Variants in ADSS1 observed in about 807,000 individuals in gnomAD.
ADSS1 encodes the protein adenylosuccinate synthase 1, also known as adenylosuccinate synthetase isozyme 1.
ADSS1 carries 57 observed loss-of-function variants against 59.1 expected under a neutral mutation model. That is an observed-to-expected ratio of 0.97 (90% CI 0.78 to 1.20). The LOEUF (loss-of-function observed/expected upper bound fraction) is 1.20, where lower values mean the gene tolerates loss of function less well. Among genes scored for constraint, ADSS1 ranks in the 50% most tolerant of loss-of-function variants. ADSS1 has a pLI of 0.00. For missense variants in ADSS1, 603 were observed against 610.3 expected, an observed-to-expected ratio of 0.99 and a Z score of 0.13; for synonymous variants, 247 against 249.4, an observed-to-expected ratio of 0.99 and a Z score of 0.09.
intron 1 of ADSS1, among the ~76,000 whole-genome samples, 188 bp from the exon 2 acceptor site, chr14:104,734,832 C>T (rs1566796988): frequency 1.3e-5 from 2 of 152,238 alleles, no homozygotes; most frequent in South Asian, 2.1e-4. Context: ...CTGCTGCCCT[C>T]CTTCCAAGGT....
rs1891369753 is a variant in ADSS1, at chr14:104,741,840, TCTTG to T, written c.794-6_794-3del. The T allele has an allele frequency of 6.2e-7, 1 of 1,613,074 alleles. No individual in the cohort carries two copies. Among genetic ancestry groups the T allele is most frequent in the Non-Finnish European group, 8.5e-7 (1 of 1,179,880 alleles). On this transcript the variant is annotated splice_polypyrimidine_tract_variant and splice_region_variant and intron_variant, in intron 8 of 12. Coordinates refer to ENST00000330877, the MANE Select transcript of ADSS1 (RefSeq NM_152328.5). ...CAGGTAGCCCCCTAAACCTGCTCTG[TCTTG>T]CAGGGACCTACCCCTTTGTGACTTC...
intron 1 of ADSS1, among the ~76,000 whole-genome samples, chr14:104,733,675 A>C (rs1004165330): frequency 2.0e-5 from 3 of 152,080 alleles, no homozygotes; most frequent in African/African-American, 7.2e-5. Flanking sequence ...ATGCGTAGAC[A>C]AGTTGAGGGC....
At chr14:104,731,717 G>A (rs1000836089) in intron 1 of ADSS1, among the ~76,000 whole-genome samples, 11 of 152,230 alleles carry the variant, frequency 7.2e-5, no homozygotes, top group African/African-American at 2.4e-4. Context: ...GGGCTGTCCC[G>A]TGGCACACAC....
chr14:104,731,230 C>T (rs11848612), intron 1 of ADSS1, among the ~76,000 whole-genome samples: 2 of 151,976 alleles, frequency 1.3e-5, no homozygotes, highest in South Asian at 2.1e-4. Flanking sequence ...GAGAGTTGGG[C>T]GCTTACCTTA....
chr14:104,737,994 G>A, intron 2 of ADSS1: 1 of 245,558 alleles, frequency 4.1e-6, no homozygotes, highest in Non-Finnish European at 8.1e-6. Context: ...GTTTTTTGTT[G>A]TTGTTTGTTT....
At chr14:104,724,947 G>T (rs1890677700) in intron 1 of ADSS1, among the ~76,000 whole-genome samples, 1 of 152,228 alleles carries the variant, frequency 6.6e-6, no homozygotes, top group South Asian at 2.1e-4. Context: ...GGGGGTAAAA[G>T]CTGCCTGCTG....
At chr14:104,729,844 G>C (rs1297378932) in intron 1 of ADSS1, 10 of 1,046,190 alleles carry the variant, frequency 9.6e-6, no homozygotes, top group Non-Finnish European at 1.2e-5. Flanking sequence ...CGTCGGCGTC[G>C]TGGGGAGGAG....
chr14:104,734,841 G>A (rs1285348391), intron 1 of ADSS1, among the ~76,000 whole-genome samples, 179 bp from the exon 2 acceptor site: 1 of 152,202 alleles, frequency 6.6e-6, no homozygotes, highest in Non-Finnish European at 1.5e-5. Flanking sequence ...TCCTTCCAAG[G>A]TGCAGGATGC....
chr14:104,730,119 G>A, intron 1 of ADSS1: 10 of 1,548,458 alleles, frequency 6.5e-6, no homozygotes, highest in Non-Finnish European at 8.7e-6. Flanking sequence ...GGAGAGGAGA[G>A]GGCTTGGAGG....
chr14:104,730,174 G>T, intron 1 of ADSS1: 1 of 1,535,128 alleles, frequency 6.5e-7, no homozygotes, highest in Non-Finnish European at 8.8e-7. Context: ...TGCCCAGGAG[G>T]ACTGCAGGAG....
In ADSS1 at chr14:104,744,878, G is replaced by C; in HGVS notation, c.1140G>C (p.Lys380Asn). 1 of 1,614,194 alleles carries C rather than the reference G, an allele frequency of 6.2e-7. No individual in the cohort carries two copies. The highest frequency in any genetic ancestry group is 8.5e-7 in the Non-Finnish European group (1 of 1,180,040). Residue 380 changes from lysine to asparagine, a missense_variant, in exon 11 of 13, where the codon AAG becomes AAC. Physicochemically the swap from Lys to Asn is moderately conservative, Grantham distance 94. Coordinates refer to ENST00000330877, the MANE Select transcript of ADSS1 (RefSeq NM_152328.5). Reference sequence around the variant, plus strand: ...AGGTTAAAGTCGGTGTCTCATACAAGCTGAACGGGAAAAGGATTCCCTATT... The same window carrying C: ...AGGTTAAAGTCGGTGTCTCATACAACCTGAACGGGAAAAGGATTCCCTATT... ...LGEVKVGVSY[K>N]LNGKRIPYFP... is the part of the protein sequence containing the mutation.
At chr14:104,741,361 C>T (rs1227105426) in intron 8 of ADSS1, 118 bp downstream of exon 8, 33 of 1,330,442 alleles carry the variant, frequency 2.5e-5, no homozygotes, top group Non-Finnish European at 3.1e-5. Context: ...TCCAAGGCCA[C>T]AGTGCCATCC....
rs79321678 is a variant in ADSS1, at chr14:104,745,491, C to T, written c.1171+582C>T. 1,413 of 153,502 alleles carry T rather than the reference C, an allele frequency of 9.2e-3. 18 individuals are homozygous for T. Among genetic ancestry groups the T allele is most frequent in the African/African-American group, 0.033 (1,365 of 41,506 alleles). 9.5% of individuals were successfully genotyped at this position (153,502 alleles called of 1,614,324 possible). ...CCTCGGTCCAGGGTCATGTTCTGACCCTGTTCCCCACAATGGCTTCCTCCT... is the reference window on the plus strand; with the variant it reads ...CCTCGGTCCAGGGTCATGTTCTGACTCTGTTCCCCACAATGGCTTCCTCCT... On this transcript the variant is annotated intron_variant, in intron 11 of 12. Transcript: ENST00000330877.
At position 104,738,437 on chromosome 14, in the gene ADSS1, A is replaced by G. The variant is rs201006862; in HGVS notation, c.357A>G (p.Lys119=). The change falls in exon 3 of 13, where the codon AAA becomes AAG. Residue 119 remains lysine, a splice_region_variant and synonymous_variant. Transcript: ENST00000330877. ...AGGAAGCAGAGAAGAATGAAAAGAA[A>G]GGTAGGTCCAAGCTCCTGCAGACTT... The part of the protein sequence containing the change: ...LFEEAEKNEK[K]GLKDWEKRLI... The G allele has an allele frequency of 1.2e-6, 2 of 1,613,644 alleles. No homozygotes were observed. Among genetic ancestry groups the G allele is most frequent in the African/African-American group, 1.3e-5 (1 of 75,062 alleles).
chr14:104,724,353 C>T lies in ADSS1; in HGVS notation c.83C>T (p.Ala28Val). 1.6e-6 allele frequency: 2 copies of T among 1,244,914 alleles called. No homozygotes were observed. The highest frequency in any genetic ancestry group is 2.0e-6 in the Non-Finnish European group (2 of 989,968). 77.1% of individuals were successfully genotyped at this position (1,244,914 alleles called of 1,614,324 possible). Residue 28 changes from alanine to valine, a missense_variant, in exon 1 of 13, where the codon GCG becomes GTG. Physicochemically the swap from Ala to Val is moderately conservative, Grantham distance 64. Coordinates refer to ENST00000330877, the MANE Select transcript of ADSS1 (RefSeq NM_152328.5). ...KRGRLQQEAA[A>V]TGSRVTVVLG... ...GGGCGGCTGCAGCAGGAGGCGGCGG[C>T]GACCGGCTCCCGCGTGACGGTGGTG...
Position 104,724,286 on chromosome 14 carries a change from G to A in ADSS1, c.16G>A (p.Ala6Thr). 5 of 1,231,150 alleles carry A rather than the reference G, an allele frequency of 4.1e-6. No homozygotes were observed. Among genetic ancestry groups the A allele is most frequent in the Non-Finnish European group, 5.1e-6 (5 of 985,892 alleles). 76.3% of individuals were successfully genotyped at this position (1,231,150 alleles called of 1,614,324 possible). A position where few individuals can be genotyped will look rare whatever the true frequency, so the allele number is the denominator to read the frequency against. MSGTR[A>T]SNDRPPGAGG... ...CCAAGCCAGCATGTCGGGGACCCGA[G>A]CCTCCAACGACCGGCCCCCCGGCGC... The change falls in exon 1 of 13, where the codon GCC (alanine) becomes ACC (threonine). Residue 6 changes from alanine (A) to threonine (T), a missense_variant. By Grantham distance (58) the Ala-to-Thr change is moderately conservative. Coordinates refer to ENST00000330877, the MANE Select transcript of ADSS1 (RefSeq NM_152328.5).
chr14:104,725,605 G>A (rs370258281), intron 1 of ADSS1, among the ~76,000 whole-genome samples: 1 of 152,134 alleles, frequency 6.6e-6, no homozygotes, highest in Non-Finnish European at 1.5e-5. Context: ...CTTGCTCTCC[G>A]TCCTAAGCAG....
intron 12 of ADSS1, 78 bp downstream of exon 12, chr14:104,746,463 G>T: frequency 6.6e-7 from 1 of 1,512,758 alleles, no homozygotes; most frequent in Non-Finnish European, 8.9e-7. Context: ...GCAGGGCTTG[G>T]TGAGCAATAA....
At chr14:104,734,986 A>T in intron 1 of ADSS1, 34 bp from the exon 2 acceptor site, 1 of 1,597,722 alleles carries the variant, frequency 6.3e-7, no homozygotes, top group Non-Finnish European at 8.6e-7. Context: ...CTCAGTACCC[A>T]AGTGCCTTCA....
Sources: gnomAD v4.1 joint callset for allele counts (sites outside exome capture counted in the v4.1 genomes callset) on GRCh38, gnomAD v4.1.1 for gene constraint, MANE v1.5 for transcripts, NCBI Gene and HGNC (gene_info 2026-07-23, HGNC 2026-07-21) for gene names.